The following TRMT44 variants were observed in gnomAD, a reference collection of about 807,000 sequenced individuals.
The protein encoded by TRMT44 is probable tRNA (uracil-O(2)-)-methyltransferase.
Under a neutral mutation model 77.3 loss-of-function variants are expected in TRMT44, and 78 were observed. That is an observed-to-expected ratio of 1.01 (90% CI 0.84 to 1.22). The LOEUF (loss-of-function observed/expected upper bound fraction) is 1.22, where lower values mean the gene tolerates loss of function less well. TRMT44 is among the 50% of genes most tolerant of loss of function. The pLI is 0.00. For missense variants in TRMT44, 1,090 were observed against 964.4 expected (o/e 1.13, Z -1.73); for synonymous variants, 391 against 383.3 (o/e 1.02, Z -0.23).
At chr4:8,512,188 TC>T in the TRMT44 span, 1 of 152,232 alleles carries the variant, frequency 6.6e-6, no homozygotes, top group Non-Finnish European at 1.5e-5. Flanking sequence ...TGCCTCAGCC[TC>T]CTGAGTAGCT....
intron 6 of TRMT44, among the ~76,000 whole-genome samples, chr4:8,460,771 C>A (rs914966680): frequency 1.7e-4 from 26 of 152,200 alleles, no homozygotes; most frequent in Non-Finnish European, 1.9e-4. Context: ...CCAGGCTGAT[C>A]TGGCTCTGGC....
the TRMT44 span, among the ~76,000 whole-genome samples, chr4:8,515,924 T>C: frequency 6.6e-6 from 1 of 152,178 alleles, no homozygotes; most frequent in African/African-American, 2.4e-5. Context: ...CCTGAAAATA[T>C]TGGAAGAGCT....
At chr4:8,501,624 G>C in the TRMT44 span, among the ~76,000 whole-genome samples, 4 of 152,208 alleles carry the variant, frequency 2.6e-5, no homozygotes, top group Non-Finnish European at 5.9e-5. This position sits in a 1 kb window ranked among gnomAD's most constrained non-coding sequence, Gnocchi z 4.4. Flanking sequence ...GGCTCCGGCA[G>C]ACGGGACATT....
intron 6 of TRMT44, among the ~76,000 whole-genome samples, chr4:8,462,842 CACGCCATT>C (rs1247791324): frequency 6.6e-6 from 1 of 152,160 alleles, no homozygotes; most frequent in Non-Finnish European, 1.5e-5. Flanking sequence ...TTAATTTATT[CACGCCATT>C]TAAAGAGACA....
rs1247674731 is a variant in TRMT44, at chr4:8,444,081, G to A, written c.620-2395G>A. 3.9e-5 allele frequency among the ~76,000 whole-genome samples: 6 copies of A among 152,190 alleles called. No homozygotes were observed. The East Asian group carries it at 9.6e-4, about 24-fold the overall frequency. ...AACAGAATTCAGTTTGAGGCTATGTGGATTTGAGACAGATTACTTAATCTG... is the reference window on the plus strand; with the variant it reads ...AACAGAATTCAGTTTGAGGCTATGTAGATTTGAGACAGATTACTTAATCTG... On this transcript the variant is annotated intron_variant, in intron 1 of 10. Coordinates refer to ENST00000389737, the MANE Select transcript of TRMT44 (RefSeq NM_152544.3). This position sits in a 1 kb window ranked among gnomAD's most constrained non-coding sequence, Gnocchi z 4.0.
chr4:8,462,082 A>G (rs943707490), intron 6 of TRMT44, among the ~76,000 whole-genome samples: 9 of 152,244 alleles, frequency 5.9e-5, no homozygotes, highest in African/African-American at 1.9e-4. Context: ...ATGAAACAGG[A>G]ATATTGGAAT....
intron 5 of TRMT44, 45 bp from the exon 6 acceptor site, chr4:8,454,697 G>A (rs1441440445): frequency 3.8e-6 from 6 of 1,573,126 alleles, no homozygotes; most frequent in Non-Finnish European, 4.4e-6. Context: ...AACTTATTAT[G>A]AAGTACTAAG....
intron 2 of TRMT44, among the ~76,000 whole-genome samples, chr4:8,491,792 C>A (rs1019080228): frequency 1.3e-5 from 2 of 152,242 alleles, no homozygotes; most frequent in Admixed American, 1.3e-4. Flanking sequence ...GCGCCTCTCC[C>A]TCCACACATC....
chr4:8,512,837 A>G, the TRMT44 span, among the ~76,000 whole-genome samples: 1 of 152,168 alleles, frequency 6.6e-6, no homozygotes, highest in African/African-American at 2.4e-5. Context: ...ATTACTGCCT[A>G]TTTTATTGTG....
chr4:8,457,101 G>GT (rs1444173868), intron 6 of TRMT44, among the ~76,000 whole-genome samples: 1 of 148,730 alleles, frequency 6.7e-6, no homozygotes, highest in African/African-American at 2.5e-5. Context: ...GCCTGAACAG[G>GT]TTTTTAATGC....
At chr4:8,472,469 G>T (rs893836200) in intron 10 of TRMT44, among the ~76,000 whole-genome samples, 1 of 152,248 alleles carries the variant, frequency 6.6e-6, no homozygotes, top group Non-Finnish European at 1.5e-5. Flanking sequence ...TGAAGTAGCC[G>T]TGGGGATCAG....
chr4:8,510,001 A>C, the TRMT44 span, among the ~76,000 whole-genome samples: 1 of 152,144 alleles, frequency 6.6e-6, no homozygotes, highest in African/African-American at 2.4e-5. Context: ...TGGAGATGAT[A>C]GGGAGAATGA....
intron 6 of TRMT44, among the ~76,000 whole-genome samples, chr4:8,462,424 C>T (rs545311910): frequency 7.2e-4 from 105 of 145,998 alleles, no homozygotes; most frequent in East Asian, 1.9e-3. Context: ...AGAAAAACAA[C>T]GGCTGGGCGT....
intron 6 of TRMT44, among the ~76,000 whole-genome samples, chr4:8,458,643 T>TG (rs1421707984): frequency 2.0e-5 from 3 of 151,514 alleles, no homozygotes; most frequent in Non-Finnish European, 4.4e-5. Context: ...TTGGTAGAGA[T>TG]GGGGTTTCAC....
chr4:8,513,007 G>A, the TRMT44 span, among the ~76,000 whole-genome samples: 1 of 152,220 alleles, frequency 6.6e-6, no homozygotes, highest in Non-Finnish European at 1.5e-5. Flanking sequence ...CCGCCTCCTG[G>A]GTTCAACCAA....
At chr4:8,449,974 T>G (rs1462558047) in intron 3 of TRMT44, 86 bp downstream of exon 3, 1 of 725,716 alleles carries the variant, frequency 1.4e-6, no homozygotes, top group Non-Finnish European at 2.0e-6. Context: ...TTTTTTTTTT[T>G]GCGACAGTCT....
In TRMT44 at chr4:8,467,618, C is replaced by T. The variant is rs1726677683; in HGVS notation, c.1495-296C>T. 2.0e-5 allele frequency among the ~76,000 whole-genome samples: 3 copies of T among 152,220 alleles called. No homozygotes were observed. In the South Asian group the frequency reaches 6.2e-4, roughly 32 times the overall value. On this transcript the variant is annotated intron_variant, in intron 8 of 10. Coordinates refer to ENST00000389737, the MANE Select transcript of TRMT44 (RefSeq NM_152544.3). The stretch of plus-strand genomic sequence containing the variant: ...GCCTCAGCCTCCTGAGTAGCTGGGA[C>T]TACAGGTGAGGGCCACCACGCCCGG...
chr4:8,449,568 A>T, intron 2 of TRMT44, 101 bp from the exon 3 acceptor site: 1 of 925,248 alleles, frequency 1.1e-6, no homozygotes, highest in Non-Finnish European at 1.6e-6. Flanking sequence ...GGTAATATAG[A>T]TGTCTTAGCT....
chr4:8,450,983 G>C (rs1170930827), intron 3 of TRMT44, among the ~76,000 whole-genome samples: 1 of 148,912 alleles, frequency 6.7e-6, no homozygotes, highest in African/African-American at 2.5e-5. Context: ...ACAAAGTTTT[G>C]CCATGTTTCC....
Sources: gnomAD v4.1 joint callset for allele counts (sites outside exome capture counted in the v4.1 genomes callset) on GRCh38, gnomAD v4.1.1 for gene constraint, Gnocchi (gnomAD v3.1) non-coding constraint, MANE v1.5 for transcripts, NCBI Gene and HGNC (gene_info 2026-07-23, HGNC 2026-07-21) for gene names.